Variants in MYCBP2 observed in about 807,000 individuals in gnomAD.
MYCBP2 encodes MYC binding protein 2.
Under a neutral mutation model 525.3 loss-of-function variants are expected in MYCBP2, and 120 were observed. That is an observed-to-expected ratio of 0.23 (90% CI 0.20 to 0.27). The LOEUF is 0.27. MYCBP2 is among the 10% of genes least tolerant of loss of function. The pLI, the probability that MYCBP2 is intolerant of heterozygous loss-of-function variation, is 1.00. For synonymous variants in MYCBP2, 1,894 were observed against 1,955.8 expected (o/e 0.97, Z 0.83); for missense variants, 4,149 against 5,657.1 (o/e 0.73, Z 8.55).
At chr13:77,310,943 A>T (rs1300893620) in intron 1 of MYCBP2, among the ~76,000 whole-genome samples, 1 of 152,198 alleles carries the variant, frequency 6.6e-6, no homozygotes, top group African/African-American at 2.4e-5. Flanking sequence ...GTTTACAACT[A>T]CTTTGGGCAA....
intron 26 of MYCBP2, among the ~76,000 whole-genome samples, chr13:77,202,270 CA>C (rs1477597814): frequency 1.3e-5 from 2 of 152,192 alleles, no homozygotes; most frequent in African/African-American, 4.8e-5. Context: ...ATCCTCTACG[CA>C]AATAAACTAG....
chr13:77,199,923 A>G (rs1371260779), intron 26 of MYCBP2, among the ~76,000 whole-genome samples: 2 of 152,256 alleles, frequency 1.3e-5, no homozygotes, highest in African/African-American at 4.8e-5. Flanking sequence ...AAAAGTCGAT[A>G]AAACCACAAA....
intron 72 of MYCBP2, among the ~76,000 whole-genome samples, chr13:77,065,260 A>G (rs1376622178): frequency 2.0e-5 from 3 of 152,222 alleles, no homozygotes; most frequent in Non-Finnish European, 4.4e-5. Context: ...ACACCCTGAG[A>G]AAGTCTGTTT....
In MYCBP2 at chr13:77,055,602, C is replaced by A; in HGVS notation, c.13603G>T (p.Ala4535Ser). ...VRFYNDPAGY[A>S]MNRYAYYVCY... ...ACATAATATGCATATCTATTCATTG[C>A]ATAGCCAGCTGGGTCATTATAAAAC... Residue 4535 changes from alanine to serine, a missense_variant, in exon 80 of 83, where the codon GCA (alanine) becomes TCA (serine). By Grantham distance (99) the Ala-to-Ser change is moderately conservative (BLOSUM62 1). Around this residue, in one of 21 missense-constraint regions of MYCBP2, gnomAD observed 220 missense variants for 396.0 expected, o/e 0.56. Coordinates refer to ENST00000544440, the MANE Select transcript of MYCBP2 (RefSeq NM_015057.5). 1 of 1,614,030 alleles carries A rather than the reference C, an allele frequency of 6.2e-7. No homozygotes were observed. Among genetic ancestry groups the A allele is most frequent in the East Asian group, 2.2e-5 (1 of 44,848 alleles).
intron 4 of MYCBP2, 140 bp from the exon 5 acceptor site, chr13:77,273,808 G>T: frequency 1.7e-6 from 1 of 580,618 alleles, no homozygotes; most frequent in Non-Finnish European, 2.6e-6. Flanking sequence ...TTTCTTTCTA[G>T]TTACTCTCTT....
chr13:77,192,389 G>C (rs188691995), intron 27 of MYCBP2, among the ~76,000 whole-genome samples: 10 of 152,294 alleles, frequency 6.6e-5, no homozygotes, highest in African/African-American at 2.4e-4. Context: ...TTTGGAGTCT[G>C]TCACATAATA....
In MYCBP2 at chr13:77,301,974, A is replaced by G. The variant is rs555695122; in HGVS notation, c.303-5300T>C. 2.0e-5 allele frequency among the ~76,000 whole-genome samples: 3 copies of G among 152,196 alleles called. 1 individual carries two copies. Among genetic ancestry groups the G allele is most frequent in the African/African-American group, 7.2e-5 (3 of 41,520 alleles). ...AAACAGGTTTCACAGACTTGCAAACAGGCCAAAAATAAATAAATAAATAAA... is the reference window on the plus strand; with the variant it reads ...AAACAGGTTTCACAGACTTGCAAACGGGCCAAAAATAAATAAATAAATAAA... On this transcript the variant is annotated intron_variant, in intron 1 of 82. Coordinates refer to ENST00000544440, the MANE Select transcript of MYCBP2 (RefSeq NM_015057.5).
Position 77,139,240 on chromosome 13 carries a change from A to C in MYCBP2, c.7615T>G (p.Ser2539Ala). 6.2e-7 allele frequency: 1 copy of C among 1,613,962 alleles called. No homozygotes were observed. The highest frequency in any genetic ancestry group is 1.1e-5 in the South Asian group (1 of 91,054). The change falls in exon 52 of 83, where the codon TCT becomes GCT. Residue 2539 changes from serine to alanine, a missense_variant. Ser to Ala is a moderately conservative substitution (Grantham distance 99). Coordinates refer to ENST00000544440, the MANE Select transcript of MYCBP2 (RefSeq NM_015057.5). ...CTCTTGCCAAGATGTTGATTAAAAG[A>C]GAGGCACCAGGCTTCAGTGTAACCA... ...MNGYTEAWCLSFNQHLGKSLL... is the reference protein window; with the variant it reads ...MNGYTEAWCLAFNQHLGKSLL...
chr13:77,129,266 A>G (rs2052291021), intron 52 of MYCBP2: 1 of 397,166 alleles, frequency 2.5e-6, no homozygotes, highest in Admixed American at 4.4e-5. Flanking sequence ...AAATATCAAC[A>G]AAGAAAGGGA....
At chr13:77,318,685 C>A (rs1051000028) in intron 1 of MYCBP2, among the ~76,000 whole-genome samples, 9 of 152,140 alleles carry the variant, frequency 5.9e-5, no homozygotes, top group Non-Finnish European at 1.3e-4. Context: ...ACCTGGCAGG[C>A]GGAGGTTGCA....
In MYCBP2 at chr13:77,118,462, T is replaced by C. The variant is rs555939039; in HGVS notation, c.8140+2911A>G. ...AGGAGCTGGGAGATTGGGTCGTGACTGAATGGAATTCAATATGGCACTCAG... is the reference window on the plus strand; with the variant it reads ...AGGAGCTGGGAGATTGGGTCGTGACCGAATGGAATTCAATATGGCACTCAG... On this transcript the variant is annotated intron_variant, in intron 55 of 82. Coordinates refer to ENST00000544440, the MANE Select transcript of MYCBP2 (RefSeq NM_015057.5). The C allele has an allele frequency of 1.7e-5, 13 of 765,006 alleles. No homozygotes were observed. In the South Asian group the frequency reaches 1.7e-4, roughly 10 times the overall value. 47.4% of individuals were successfully genotyped at this position (765,006 alleles called of 1,614,324 possible). A position where few individuals can be genotyped will look rare whatever the true frequency, so the allele number is the denominator to read the frequency against.
intron 77 of MYCBP2, among the ~76,000 whole-genome samples, chr13:77,059,032 C>T (rs557458006): frequency 6.6e-6 from 1 of 151,752 alleles, no homozygotes; most frequent in East Asian, 1.9e-4. Flanking sequence ...ATTTCCCAGT[C>T]ACCACTCTCC....
At chr13:77,162,089 T>C in intron 43 of MYCBP2, 134 bp from the exon 44 acceptor site, 1 of 653,256 alleles carries the variant, frequency 1.5e-6, no homozygotes, top group Non-Finnish European at 2.6e-6. Flanking sequence ...TTTGTGATTC[T>C]GGAAAAAATC....
chr13:77,071,831 C>T (rs1165568817), intron 68 of MYCBP2, among the ~76,000 whole-genome samples: 1 of 152,080 alleles, frequency 6.6e-6, no homozygotes, highest in Non-Finnish European at 1.5e-5. Context: ...GGCCAGAATC[C>T]AAATCTTAAC....
intron 80 of MYCBP2, 55 bp from the exon 81 acceptor site, chr13:77,051,973 G>A: frequency 7.5e-7 from 1 of 1,326,598 alleles, no homozygotes; most frequent in Non-Finnish European, 1.1e-6. Context: ...TCTGGCATGG[G>A]AGATACAGTA....
At chr13:77,117,371 A>G (rs1360901733) in intron 55 of MYCBP2, among the ~76,000 whole-genome samples, 1 of 152,050 alleles carries the variant, frequency 6.6e-6, no homozygotes, top group Non-Finnish European at 1.5e-5. Context: ...AACCCAGAAA[A>G]GTTTATACTC....
At chr13:77,108,572 A>C (rs1370729945) in intron 55 of MYCBP2, among the ~76,000 whole-genome samples, 1 of 152,194 alleles carries the variant, frequency 6.6e-6, no homozygotes, top group Non-Finnish European at 1.5e-5. Context: ...CATTTTGATA[A>C]AGTGATTAGC....
intron 55 of MYCBP2, among the ~76,000 whole-genome samples, chr13:77,119,568 T>C (rs532052373): frequency 6.6e-6 from 1 of 152,222 alleles, no homozygotes; most frequent in African/African-American, 2.4e-5. Context: ...AAAAAACAGC[T>C]CTTCGATCTT....
At chr13:77,172,064 C>A (rs961131826) in intron 37 of MYCBP2, among the ~76,000 whole-genome samples, 6 of 152,042 alleles carry the variant, frequency 3.9e-5, no homozygotes, top group African/African-American at 1.2e-4. Flanking sequence ...CCACGCCCAG[C>A]TAATTTTTCT....
Sources: allele counts gnomAD v4.1 joint callset (sites outside exome capture counted in the v4.1 genomes callset), GRCh38; gene constraint gnomAD v4.1.1; regional missense constraint gnomAD v4.1.1; transcripts MANE v1.5; gene names NCBI Gene and HGNC (gene_info 2026-07-23, HGNC 2026-07-21).